The following TREML2 variants were observed in gnomAD, a reference collection of about 807,000 sequenced individuals.
The protein encoded by TREML2 is triggering receptor expressed on myeloid cells like 2.
TREML2 carries 24 observed loss-of-function variants against 25.9 expected under a neutral mutation model. That is an observed-to-expected ratio of 0.93 (90% CI 0.67 to 1.30). The LOEUF is 1.30. TREML2 is among the 50% of genes most tolerant of loss of function. TREML2 has a pLI of 0.00. For missense variants in TREML2, 359 were observed against 395.6 expected, an observed-to-expected ratio of 0.91 and a Z score of 0.78; for synonymous variants, 139 against 155.2, an observed-to-expected ratio of 0.90 and a Z score of 0.77.
intron 2 of TREML2, among the ~76,000 whole-genome samples, chr6:41,195,877 A>G (rs1766151127): frequency 6.6e-6 from 1 of 152,164 alleles, no homozygotes. Context: ...TCAACACACT[A>G]AGAGGGCCAA....
chr6:41,200,042 G>A (rs2113910489), intron 1 of TREML2, among the ~76,000 whole-genome samples: 1 of 152,288 alleles, frequency 6.6e-6, no homozygotes, highest in East Asian at 1.9e-4. Context: ...CCAGAGCTGT[G>A]ACAGTCAAGG....
In TREML2 at chr6:41,192,303, G is replaced by A; in HGVS notation, c.*124C>T. 1 of 775,800 alleles carries A rather than the reference G, an allele frequency of 1.3e-6. No homozygotes were observed. Among genetic ancestry groups the A allele is most frequent in the Non-Finnish European group, 2.2e-6 (1 of 459,986 alleles). The allele number at this position is 775,800 out of a possible 1,614,324, so 48.1% of individuals were successfully genotyped here. On this transcript the variant is annotated 3_prime_UTR_variant, in exon 5 of 5. Coordinates refer to ENST00000483722, the MANE Select transcript of TREML2 (RefSeq NM_024807.4). Reference sequence around the variant, plus strand: ...CAGCCTCTGGGTTTGGGAAGTCCTGGGTGAGTCCAGCACTGCACAAGTCCT... The same window carrying A: ...CAGCCTCTGGGTTTGGGAAGTCCTGAGTGAGTCCAGCACTGCACAAGTCCT...
At chr6:41,198,580 G>A in intron 1 of TREML2, 151 bp from the exon 2 acceptor site, 1 of 859,580 alleles carries the variant, frequency 1.2e-6, no homozygotes, top group Non-Finnish European at 1.8e-6. Flanking sequence ...CCGCCTTCAG[G>A]GAGCTTGCCC....
chr6:41,197,659 A>C (rs1766191976), intron 2 of TREML2, among the ~76,000 whole-genome samples: 1 of 152,130 alleles, frequency 6.6e-6, no homozygotes, highest in South Asian at 2.1e-4. Flanking sequence ...CTAGTTTCTT[A>C]TGAACACCTC....
intron 3 of TREML2, among the ~76,000 whole-genome samples, chr6:41,194,154 T>G (rs554051343): frequency 4.1e-3 from 59 of 14,290 alleles, no homozygotes; most frequent in Non-Finnish European, 7.0e-3. Flanking sequence ...GTCCCCACCC[T>G]TCTTTCCCCT....
At chr6:41,193,950 G>A (rs1766110692) in intron 3 of TREML2, among the ~76,000 whole-genome samples, 1 of 112,820 alleles carries the variant, frequency 8.9e-6, no homozygotes, top group Non-Finnish European at 1.7e-5. Flanking sequence ...GACTCTCATA[G>A]TCCCCTGCCC....
At chr6:41,195,158 CA>C (rs1374698059) in intron 2 of TREML2, among the ~76,000 whole-genome samples, 1 of 152,072 alleles carries the variant, frequency 6.6e-6, no homozygotes, top group African/African-American at 2.4e-5. Context: ...TCCTATGGGC[CA>C]AAAAGATTTC....
At chr6:41,200,173 C>T (rs1766250626) in intron 1 of TREML2, among the ~76,000 whole-genome samples, 2 of 152,312 alleles carry the variant, frequency 1.3e-5, no homozygotes, top group South Asian at 4.1e-4. Context: ...TCCCTCTGTC[C>T]CTTGCAAACT....
chr6:41,192,687 C>G, intron 4 of TREML2, 114 bp downstream of exon 4: 1 of 1,186,922 alleles, frequency 8.4e-7, no homozygotes, highest in Non-Finnish European at 1.2e-6. Flanking sequence ...CGTCATAGTC[C>G]TTTTGACTGG....
rs939484352 is a variant in TREML2, at chr6:41,189,974, T to G, written c.*2453A>C. ...CTTGAGTTACTTACTCCATATTGCT[T>G]TGTTCCCCTTACTGCACATGTCAGG... On this transcript the variant is annotated 3_prime_UTR_variant, in exon 5 of 5. Transcript: ENST00000483722. 6.6e-6 allele frequency among the ~76,000 whole-genome samples: 1 copy of G among 152,170 alleles called. No individual in the cohort carries two copies. The highest frequency in any genetic ancestry group is 2.4e-5 in the African/African-American group (1 of 41,434).
chr6:41,200,076 C>T (rs1221147818), intron 1 of TREML2, among the ~76,000 whole-genome samples: 1 of 152,222 alleles, frequency 6.6e-6, no homozygotes, highest in Admixed American at 6.5e-5. Context: ...GACATCTGTC[C>T]CACCAGAATC....
chr6:41,200,019 C>A (rs982224487), intron 1 of TREML2, among the ~76,000 whole-genome samples: 2 of 152,190 alleles, frequency 1.3e-5, no homozygotes, highest in African/African-American at 4.8e-5. Flanking sequence ...CCTCCCAGTT[C>A]CCCCAATGGA....
At position 41,194,467 on chromosome 6, in the gene TREML2, C is replaced by T. The variant is rs755765965; in HGVS notation, c.743G>A (p.Ser248Asn). Residue 248 changes from serine to asparagine, a missense_variant, in exon 3 of 5, where the codon AGC becomes AAC. By Grantham distance (46) the Ser-to-Asn change is conservative. Transcript: ENST00000483722. ...GGGTAGTCTGTTGAGGAGAGATCTG[C>T]TGGTGAGGCAGAGCCCTGTGGTGGG... Reference protein sequence around the residue: ...RSPTTGLCLTSRSLLNRLPSM... With the variant: ...RSPTTGLCLTNRSLLNRLPSM... The T allele has an allele frequency of 5.6e-6, 9 of 1,604,214 alleles. No individual in the cohort carries two copies. Among genetic ancestry groups the T allele is most frequent in the Non-Finnish European group, 7.7e-6 (9 of 1,175,378 alleles).
chr6:41,197,847 C>T (rs1766196427), intron 2 of TREML2, among the ~76,000 whole-genome samples: 1 of 152,160 alleles, frequency 6.6e-6, no homozygotes, highest in Non-Finnish European at 1.5e-5. Context: ...CAGACAGTGC[C>T]AAGTTTGAAC....
rs144090034 is a variant in TREML2, at chr6:41,190,745, G to T, written c.*1682C>A. ...TTGGGGAGCTATTTTCCCCCAGGTG[G>T]GTTAAGTTCTCTCCTAGTATACAAC... is the stretch of plus-strand genomic sequence containing the variant. On this transcript the variant is annotated 3_prime_UTR_variant, in exon 5 of 5. Coordinates refer to ENST00000483722, the MANE Select transcript of TREML2 (RefSeq NM_024807.4). 7.2e-5 allele frequency: 11 copies of T among 152,262 alleles called. No homozygotes were observed. The highest frequency in any genetic ancestry group is 4.6e-4 in the Admixed American group (7 of 15,302). The allele number at this position is 152,262 out of a possible 1,614,324, so 9.4% of individuals were successfully genotyped here.
intron 2 of TREML2, among the ~76,000 whole-genome samples, chr6:41,197,305 C>T (rs138319915): frequency 6.6e-6 from 1 of 152,262 alleles, no homozygotes; most frequent in East Asian, 1.9e-4. Flanking sequence ...CTAGTAGCTT[C>T]CTCTTATACC....
intron 3 of TREML2, among the ~76,000 whole-genome samples, chr6:41,193,289 C>T (rs865974914): frequency 9.9e-5 from 15 of 152,212 alleles, no homozygotes; most frequent in Middle Eastern, 3.4e-3. Context: ...CTGCCTGTGT[C>T]CTCTTGCCTG....
At chr6:41,192,565 T>C in intron 4 of TREML2, 59 bp from the exon 5 acceptor site, 2 of 1,506,222 alleles carry the variant, frequency 1.3e-6, no homozygotes, top group South Asian at 2.3e-5. Flanking sequence ...GCCCCGATGC[T>C]CCTCCACCAG....
rs752870997 is a variant in TREML2 at position 41,198,176 on chromosome 6, G to A, written c.309C>T (p.Tyr103=). 1.2e-6 allele frequency: 2 copies of A among 1,614,214 alleles called. No individual in the cohort carries two copies. The highest frequency in any genetic ancestry group is 1.1e-5 in the South Asian group (1 of 91,088). The change falls in exon 2 of 5, where the codon TAC becomes TAT. Residue 103 remains tyrosine (Y), a synonymous_variant. Coordinates refer to ENST00000483722, the MANE Select transcript of TREML2 (RefSeq NM_024807.4). The part of the protein sequence containing the change: ...VALKLQDSGR[Y]WCMRNTSGIL... ...TCCCAGAGGTGTTGCGCATGCACCA[G>A]TATCGGCCTGAGTCCTGGAGCTTGA...
Sources: gnomAD v4.1 joint callset for allele counts (sites outside exome capture counted in the v4.1 genomes callset) on GRCh38, gnomAD v4.1.1 for gene constraint, MANE v1.5 for transcripts, NCBI Gene and HGNC (gene_info 2026-07-23, HGNC 2026-07-21) for gene names.